CDH2: variants seen among roughly 807,000 people sequenced by gnomAD.
The protein encoded by CDH2 is cadherin-2.
Under a neutral mutation model 92.0 loss-of-function variants are expected in CDH2, and 17 were observed. That is an observed-to-expected ratio of 0.18 (90% CI 0.13 to 0.28). CDH2 has a LOEUF of 0.28. CDH2 is among the 10% of genes least tolerant of loss of function. The pLI is 1.00. For missense variants in CDH2, 862 were observed against 1,133.1 expected (o/e 0.76, Z 3.44); for synonymous variants, 419 against 415.9 (o/e 1.01, Z -0.09).
At chr18:27,988,441 T>G in intron 11 of CDH2, 83 bp downstream of exon 11, 1 of 1,231,978 alleles carries the variant, frequency 8.1e-7, no homozygotes, top group South Asian at 1.5e-5. Flanking sequence ...CAATTGAGTT[T>G]TGTAGAAAAC....
At chr18:28,159,778 T>C (rs1034835020) in intron 1 of CDH2, among the ~76,000 whole-genome samples, 7 of 151,580 alleles carry the variant, frequency 4.6e-5, no homozygotes, top group African/African-American at 1.5e-4. Context: ...TGCCTCAGCC[T>C]CCTGAATAGC....
chr18:28,111,126 CT>C (rs1197262991), intron 2 of CDH2, among the ~76,000 whole-genome samples: 1 of 152,212 alleles, frequency 6.6e-6, no homozygotes, highest in South Asian at 2.1e-4. Context: ...AGTGGCGCCC[CT>C]GGCCTACTTA....
chr18:28,135,434 T>C (rs2015845765), intron 2 of CDH2, among the ~76,000 whole-genome samples: 1 of 152,172 alleles, frequency 6.6e-6, no homozygotes, highest in Admixed American at 6.5e-5. Flanking sequence ...CATTTAAATA[T>C]AAAACTACTA....
At position 28,118,500 on chromosome 18, in the gene CDH2, GACAAA is replaced by G. The variant is rs1401951649; in HGVS notation, c.172+29168_172+29172del. Reference sequence around the variant, plus strand: ...CATTAAAAAGAATGACACAAAGCAAGACAAAACTGGGTGAGCCAAGTGTTCTTTGT... The same window carrying G: ...CATTAAAAAGAATGACACAAAGCAAGACTGGGTGAGCCAAGTGTTCTTTGT... On this transcript the variant is annotated intron_variant, in intron 2 of 15. Coordinates refer to ENST00000269141, the MANE Select transcript of CDH2 (RefSeq NM_001792.5). Among the ~76,000 whole-genome samples, 10 of 151,972 alleles carry G rather than the reference GACAAA, an allele frequency of 6.6e-5. 1 individual carries two copies. The highest frequency in any genetic ancestry group is 4.1e-4 in the South Asian group (2 of 4,826).
At chr18:27,991,552 T>C (rs542235888) in intron 9 of CDH2, among the ~76,000 whole-genome samples, 8 of 152,218 alleles carry the variant, frequency 5.3e-5, no homozygotes, top group African/African-American at 1.9e-4. Context: ...CAAAGTCCTT[T>C]AATGTGTATG....
At chr18:27,941,157 TCC>T (rs1214107402) in intron 6 of CDH2, among the ~76,000 whole-genome samples, 2 of 149,406 alleles carry the variant, frequency 1.3e-5, no homozygotes, top group Non-Finnish European at 3.0e-5. Flanking sequence ...TGCCTCAGCC[TCC>T]CGAGCAGCTG....
At chr18:28,047,136 A>C (rs1161210284) in intron 2 of CDH2, among the ~76,000 whole-genome samples, 1 of 152,288 alleles carries the variant, frequency 6.6e-6, no homozygotes, top group African/African-American at 2.4e-5. Context: ...CAAACAAATT[A>C]CCGTCACTTC....
chr18:28,000,350 C>T (rs543308658), intron 7 of CDH2, among the ~76,000 whole-genome samples: 2 of 152,322 alleles, frequency 1.3e-5, no homozygotes, highest in African/African-American at 2.4e-5. Flanking sequence ...CATCCACCCA[C>T]CTCAACCTCC....
At chr18:28,176,114 T>C (rs2016536700) in intron 1 of CDH2, among the ~76,000 whole-genome samples, 1 of 152,098 alleles carries the variant, frequency 6.6e-6, no homozygotes, top group Non-Finnish European at 1.5e-5. Flanking sequence ...CGGAGGAGCC[T>C]CTTAGTAGAG....
chr18:28,141,226 C>T (rs1334724065), intron 2 of CDH2, among the ~76,000 whole-genome samples: 1 of 151,660 alleles, frequency 6.6e-6, no homozygotes. Flanking sequence ...GATATATACA[C>T]AATGGAATAC....
rs934907715 is a variant in CDH2, at chr18:27,999,955, C to T, written c.1020+3042G>A. ...AAGCGTCTGGCATTTCCCCTGCTTG[C>T]ACTCTTCATTTCTCTCCTTCCGCCC... is the stretch of plus-strand genomic sequence containing the variant. On this transcript the variant is annotated intron_variant, in intron 7 of 15. Coordinates refer to ENST00000269141, the MANE Select transcript of CDH2 (RefSeq NM_001792.5). 4.6e-5 allele frequency among the ~76,000 whole-genome samples: 7 copies of T among 152,046 alleles called. No individual in the cohort carries two copies. The East Asian group carries it at 1.4e-3, about 29-fold the overall frequency.
intron 1 of CDH2, among the ~76,000 whole-genome samples, chr18:28,168,998 T>G (rs540383119): frequency 1.4e-4 from 21 of 152,270 alleles, no homozygotes; most frequent in African/African-American, 4.8e-4. Flanking sequence ...TCAGAATGTT[T>G]GAGTTCCAGT....
intron 15 of CDH2, among the ~76,000 whole-genome samples, chr18:27,953,192 G>A (rs751348566): frequency 3.9e-5 from 6 of 152,124 alleles, no homozygotes; most frequent in Non-Finnish European, 5.9e-5. Flanking sequence ...GAGGACTCCT[G>A]TCAATCTAAA....
At chr18:27,948,156 T>C (rs1042517607), downstream of CDH2, among the ~76,000 whole-genome samples, 23 of 151,256 alleles carry the variant, frequency 1.5e-4, no homozygotes, top group Admixed American at 1.5e-3. Flanking sequence ...TAAGTGTGTA[T>C]ACGGTAAAGA....
At chr18:27,944,647 G>A (rs1395374704) in intron 6 of CDH2, among the ~76,000 whole-genome samples, 3 of 151,216 alleles carry the variant, frequency 2.0e-5, no homozygotes, top group East Asian at 1.9e-4. Context: ...GTCAGGTGTG[G>A]TGGCTCATGT....
chr18:28,092,031 G>C (rs552674461), intron 2 of CDH2, among the ~76,000 whole-genome samples: 4 of 151,892 alleles, frequency 2.6e-5, no homozygotes, highest in Admixed American at 2.6e-4. Flanking sequence ...TGTGTCCTAA[G>C]AACACCAATG....
At chr18:28,141,012 G>A (rs1345488945) in intron 2 of CDH2, among the ~76,000 whole-genome samples, 1 of 151,326 alleles carries the variant, frequency 6.6e-6, no homozygotes, top group African/African-American at 2.4e-5. Context: ...CAAAATAAAT[G>A]TAAAATAAGA....
intron 15 of CDH2, among the ~76,000 whole-genome samples, chr18:27,963,000 TTTA>T (rs748387918): frequency 9.8e-5 from 15 of 152,326 alleles, no homozygotes; most frequent in Non-Finnish European, 1.8e-4. Context: ...TACTGCTACA[TTTA>T]TTAATGCTAA....
At chr18:28,011,382 T>C (rs147195191) in intron 4 of CDH2, among the ~76,000 whole-genome samples, 2 of 152,326 alleles carry the variant, frequency 1.3e-5, no homozygotes, top group African/African-American at 4.8e-5. Flanking sequence ...TCAGAGGTCA[T>C]TCTTTTCTTT....
Sources: allele counts gnomAD v4.1 joint callset (sites outside exome capture counted in the v4.1 genomes callset), GRCh38; gene constraint gnomAD v4.1.1; transcripts MANE v1.5; gene names NCBI Gene and HGNC (gene_info 2026-07-23, HGNC 2026-07-21).